Variants in MAPRE2 observed in about 807,000 individuals in gnomAD.
MAPRE2 encodes microtubule-associated protein RP/EB family member 2.
A neutral mutation model predicts 43.2 loss-of-function variants in MAPRE2; 13 were observed. The ratio of observed to expected loss-of-function variants is 0.30; its 90% CI spans 0.20 to 0.48. MAPRE2 has a LOEUF of 0.48. MAPRE2 is among the 20% of genes least tolerant of loss of function. The pLI is 0.99. For missense variants in MAPRE2, 161 were observed against 400.2 expected (o/e 0.40, Z 5.10); for synonymous variants, 135 against 148.8 (o/e 0.91, Z 0.68).
At chr18:35,123,103 T>G (rs747045872) in intron 4 of MAPRE2, among the ~76,000 whole-genome samples, 4 of 152,180 alleles carry the variant, frequency 2.6e-5, no homozygotes, top group African/African-American at 4.8e-5. Context: ...TCCTGGCCAG[T>G]GTCCTCTGCT....
chr18:35,103,773 G>A (rs1218858264), intron 4 of MAPRE2, among the ~76,000 whole-genome samples: 1 of 152,156 alleles, frequency 6.6e-6, no homozygotes, highest in Non-Finnish European at 1.5e-5. Flanking sequence ...AGAAGGTAGG[G>A]AGCATAATGG....
At chr18:35,100,453 C>T (rs1172865513) in intron 3 of MAPRE2, among the ~76,000 whole-genome samples, 1 of 152,078 alleles carries the variant, frequency 6.6e-6, no homozygotes, top group African/African-American at 2.4e-5. Context: ...CCCAGCAATC[C>T]CATTATTGGG....
At chr18:35,064,477 A>G (rs1478027146) in intron 1 of MAPRE2, among the ~76,000 whole-genome samples, 1 of 152,178 alleles carries the variant, frequency 6.6e-6, no homozygotes, top group Non-Finnish European at 1.5e-5. Flanking sequence ...AATGAATTAC[A>G]TAGGAAATAA....
At chr18:35,077,487 G>C (rs774868711) in intron 2 of MAPRE2, among the ~76,000 whole-genome samples, 96 of 152,200 alleles carry the variant, frequency 6.3e-4, no homozygotes, top group African/African-American at 9.2e-4. Flanking sequence ...TGAATAGGTG[G>C]GTGGTTGTGA....
intron 4 of MAPRE2, among the ~76,000 whole-genome samples, chr18:35,112,223 GC>G (rs1318706524): frequency 7.1e-6 from 1 of 141,216 alleles, no homozygotes; most frequent in Non-Finnish European, 1.5e-5. Context: ...CACTGTTATT[GC>G]CCAGGCTGGA....
chr18:34,978,160 C>T (rs1408024009), intron 1 of MAPRE2: 2 of 336,954 alleles, frequency 5.9e-6, no homozygotes, highest in African/African-American at 2.2e-5. Flanking sequence ...CACCAGCCAA[C>T]ACTGCTGTCC....
intron 2 of MAPRE2, among the ~76,000 whole-genome samples, chr18:35,086,587 AACTT>A (rs1296635946): frequency 6.6e-6 from 1 of 151,976 alleles, no homozygotes; most frequent in Non-Finnish European, 1.5e-5. Flanking sequence ...AAATTTCTAA[AACTT>A]AATCTATAAA....
rs76189240 is a variant in MAPRE2 at position 35,059,407 on chromosome 18, G to C, written c.123-10788G>C. Among the ~76,000 whole-genome samples, 9 of 152,080 alleles carry C rather than the reference G, an allele frequency of 5.9e-5. No homozygotes were observed. In the East Asian group the frequency reaches 1.7e-3, roughly 29 times the overall value. ...CCTAGCCATCTCACATAGCACTAGGGGCACGTATTGATATTTGCCTTTTGT... is the reference window on the plus strand; with the variant it reads ...CCTAGCCATCTCACATAGCACTAGGCGCACGTATTGATATTTGCCTTTTGT... On this transcript the variant is annotated intron_variant, in intron 1 of 6. Transcript: ENST00000300249.
chr18:35,026,895 T>C (rs2097045532), intron 2 of MAPRE2, among the ~76,000 whole-genome samples: 1 of 152,230 alleles, frequency 6.6e-6, no homozygotes, highest in Non-Finnish European at 1.5e-5. Flanking sequence ...ACCAGTCATG[T>C]AGTCTTGTGG....
chr18:35,079,305 C>T (rs118136744), intron 2 of MAPRE2, among the ~76,000 whole-genome samples: 1,723 of 152,188 alleles, frequency 0.011, 14 homozygotes, highest in Middle Eastern at 0.034. Context: ...AGCTTGGTTC[C>T]CACAAAGGAT....
chr18:35,018,448 G>A (rs1008530516), intron 2 of MAPRE2, among the ~76,000 whole-genome samples: 7 of 145,780 alleles, frequency 4.8e-5, no homozygotes, highest in Admixed American at 1.4e-4. Flanking sequence ...GCAATTTTTG[G>A]TTGGTAGGGT....
Position 35,142,487 on chromosome 18 carries a change from T to C in MAPRE2, c.*2118T>C, listed in dbSNP as rs1197687171. On this transcript the variant is annotated 3_prime_UTR_variant, in exon 7 of 7. Transcript: ENST00000300249. Reference sequence around the variant, plus strand: ...CTTGCATAAGCCTCCCTGGTGACTCTTGCAGGAACCACTCCATTGCCCTCC... The same window carrying C: ...CTTGCATAAGCCTCCCTGGTGACTCCTGCAGGAACCACTCCATTGCCCTCC... 5.9e-5 allele frequency: 9 copies of C among 152,264 alleles called. No homozygotes were observed. The highest frequency in any genetic ancestry group is 5.9e-4 in the Admixed American group (9 of 15,278). The allele number at this position is 152,264 out of a possible 1,614,324, so 9.4% of individuals were successfully genotyped here.
Position 35,091,487 on chromosome 18 carries a change from C to A in MAPRE2, c.251-5959C>A, listed in dbSNP as rs529369970. On this transcript the variant is annotated intron_variant, in intron 2 of 6. Transcript: ENST00000300249. ...ATAAGGTGTACTTAACCTATACTAC[C>A]CAAAGCCATCTATAGATCCAGTGCA... Among the ~76,000 whole-genome samples, 37 of 150,222 alleles carry A rather than the reference C, an allele frequency of 2.5e-4. No homozygotes were observed. The South Asian group carries it at 7.9e-3, about 32-fold the overall frequency.
intron 2 of MAPRE2, among the ~76,000 whole-genome samples, chr18:35,024,488 A>T (rs561202684): frequency 6.6e-5 from 10 of 152,086 alleles, no homozygotes; most frequent in African/African-American, 2.4e-4. Flanking sequence ...TATGCAAATG[A>T]ACCTATTTCA....
At position 35,065,948 on chromosome 18, in the gene MAPRE2, A is replaced by C. The variant is rs115002363; in HGVS notation, c.123-4247A>C. 5.6e-3 allele frequency among the ~76,000 whole-genome samples: 855 copies of C among 152,366 alleles called. 10 individuals are homozygous for C. Among genetic ancestry groups the C allele is most frequent in the African/African-American group, 0.02 (812 of 41,590 alleles). On this transcript the variant is annotated intron_variant, in intron 1 of 6. Coordinates refer to ENST00000300249, the MANE Select transcript of MAPRE2 (RefSeq NM_014268.4). Reference sequence around the variant, plus strand: ...ACAGCGCTTTGACTTTCTCCTTTGCAAGGATGGGACAGAGAGATGCTCATG... The same window carrying C: ...ACAGCGCTTTGACTTTCTCCTTTGCCAGGATGGGACAGAGAGATGCTCATG...
chr18:35,132,256 C>T, intron 6 of MAPRE2, 66 bp downstream of exon 6: 1 of 1,482,268 alleles, frequency 6.7e-7, no homozygotes, highest in East Asian at 2.3e-5. Flanking sequence ...CACAGTAGAT[C>T]AGCACTCCTT....
At chr18:35,119,837 T>A (rs1909593543) in intron 4 of MAPRE2, among the ~76,000 whole-genome samples, 1 of 152,218 alleles carries the variant, frequency 6.6e-6, no homozygotes, top group African/African-American at 2.4e-5. Context: ...AGCCTTATTT[T>A]CTTAGTATTT....
At chr18:34,979,652 T>C (rs547306285) in intron 1 of MAPRE2, among the ~76,000 whole-genome samples, 1 of 152,314 alleles carries the variant, frequency 6.6e-6, no homozygotes, top group African/African-American at 2.4e-5. Context: ...AGGATGAATA[T>C]GTAACACATA....
At chr18:35,018,002 AG>A (rs776146551) in intron 2 of MAPRE2, among the ~76,000 whole-genome samples, 109 of 151,080 alleles carry the variant, frequency 7.2e-4, no homozygotes, top group Non-Finnish European at 1.3e-3. Flanking sequence ...TGTTCCTTGA[AG>A]GTTTTTATCA....
Sources: gnomAD v4.1 joint callset for allele counts (sites outside exome capture counted in the v4.1 genomes callset) on GRCh38, gnomAD v4.1.1 for gene constraint, MANE v1.5 for transcripts, NCBI Gene and HGNC (gene_info 2026-07-23, HGNC 2026-07-21) for gene names.